The following PIK3C2G variants were observed in gnomAD, a reference collection of about 807,000 sequenced individuals.
PIK3C2G encodes phosphatidylinositol 3-kinase C2 domain-containing subunit gamma.
A neutral mutation model predicts 181.1 loss-of-function variants in PIK3C2G; 168 were observed. That is an observed-to-expected ratio of 0.93 (90% confidence interval 0.82 to 1.05). The LOEUF (loss-of-function observed/expected upper bound fraction) is 1.05. PIK3C2G is among the 50% of genes least tolerant of loss of function. PIK3C2G has a pLI of 0.00. For missense variants in PIK3C2G, 1,869 were observed against 1,732.8 expected (o/e 1.08, Z -1.40); for synonymous variants, 573 against 592.2 (o/e 0.97, Z 0.47).
chr12:18,361,380 T>C (rs981557040), intron 11 of PIK3C2G, among the ~76,000 whole-genome samples: 1 of 152,198 alleles, frequency 6.6e-6, no homozygotes, highest in Non-Finnish European at 1.5e-5. Flanking sequence ...TACAACTTTA[T>C]TTTCTTAGAC....
At chr12:18,489,902 T>C (rs1183939014) in intron 19 of PIK3C2G, among the ~76,000 whole-genome samples, 1 of 152,148 alleles carries the variant, frequency 6.6e-6, no homozygotes, top group African/African-American at 2.4e-5. Flanking sequence ...ATATTGACAT[T>C]ATTCACTCAG....
rs117368461 is a variant in PIK3C2G, at chr12:18,480,353, A to G, written c.2505-8096A>G. On this transcript the variant is annotated intron_variant, in intron 18 of 32. Coordinates refer to ENST00000538779, the MANE Select transcript of PIK3C2G (RefSeq NM_001288772.2). ...AAGCAGTAAGTGTGTTTTGTAATGT[A>G]AACAGGACAGTCCCTTCTCTTAAAC... Among the ~76,000 whole-genome samples, 787 of 152,304 alleles carry G rather than the reference A, an allele frequency of 5.2e-3. 3 individuals are homozygous for G. Among genetic ancestry groups the G allele is most frequent in the Middle Eastern group, 0.01 (3 of 294 alleles).
intron 18 of PIK3C2G, among the ~76,000 whole-genome samples, chr12:18,456,467 C>T (rs548620685): frequency 2.0e-5 from 3 of 152,182 alleles, no homozygotes; most frequent in African/African-American, 7.2e-5. Flanking sequence ...TATAGATGAG[C>T]TTGAGGAGGC....
downstream of PIK3C2G, among the ~76,000 whole-genome samples, chr12:18,650,664 ATGTG>A (rs1159499235): frequency 0.043 from 1,533 of 35,248 alleles, 28 homozygotes; most frequent in Non-Finnish European, 0.057. Flanking sequence ...TGGAATATAA[ATGTG>A]TGTGTGTGTG....
chr12:18,325,202 A>AGCGACC, intron 8 of PIK3C2G, 104 bp downstream of exon 8: 1 of 587,470 alleles, frequency 1.7e-6, no homozygotes, highest in Admixed American at 3.3e-5. Flanking sequence ...AAATGAATAA[A>AGCGACC]ACAGAGGATC....
chr12:18,560,033 T>C (rs146699480), intron 26 of PIK3C2G, among the ~76,000 whole-genome samples: 5,568 of 151,190 alleles, frequency 0.037, 218 homozygotes, highest in African/African-American at 0.098. Flanking sequence ...TTAGTAGAGA[T>C]GGGGTTTCAC....
At chr12:18,700,512 C>CAA in the PIK3C2G span, among the ~76,000 whole-genome samples, 3,796 of 67,680 alleles carry the variant, frequency 0.056, 512 homozygotes, top group African/African-American at 0.065. Context: ...AGCCAACGTA[C>CAA]AAAAAAAAAA....
intron 16 of PIK3C2G, among the ~76,000 whole-genome samples, chr12:18,410,700 A>T (rs992492537): frequency 1.3e-5 from 2 of 152,034 alleles, no homozygotes; most frequent in African/African-American, 4.8e-5. Flanking sequence ...GAGAGAGGGA[A>T]CATAAGGCAA....
chr12:18,439,225 C>A (rs1946604965), intron 18 of PIK3C2G, among the ~76,000 whole-genome samples: 1 of 151,910 alleles, frequency 6.6e-6, no homozygotes, highest in Non-Finnish European at 1.5e-5. Flanking sequence ...AGTGTCAGAA[C>A]AAGTTGGAAA....
chr12:18,308,339 A>G lies in PIK3C2G; in HGVS notation c.1035-5623A>G, dbSNP rs527743061. Among the ~76,000 whole-genome samples, 16 of 151,954 alleles carry G rather than the reference A, an allele frequency of 1.1e-4. No individual in the cohort carries two copies. In the East Asian group the frequency reaches 2.9e-3, roughly 28 times the overall value. On this transcript the variant is annotated intron_variant, in intron 5 of 32. Transcript: ENST00000538779. The stretch of plus-strand genomic sequence containing the variant: ...ACTAACAATAAGCCAGCATTCAAGG[A>G]CAATGTAAAAATAGACATTCTCAGA...
At chr12:18,410,524 A>AG (rs1307421622) in intron 16 of PIK3C2G, among the ~76,000 whole-genome samples, 2 of 151,420 alleles carry the variant, frequency 1.3e-5, no homozygotes, top group African/African-American at 4.9e-5. Context: ...AAAAAAAAAA[A>AG]AAAAGATTAT....
At chr12:18,535,635 A>G (rs1306820639) in intron 24 of PIK3C2G, among the ~76,000 whole-genome samples, 1 of 152,136 alleles carries the variant, frequency 6.6e-6, no homozygotes, top group African/African-American at 2.4e-5. Context: ...AGGAAGTTGT[A>G]AAAAATTAAT....
chr12:18,333,184 T>G (rs1938159571), intron 8 of PIK3C2G, among the ~76,000 whole-genome samples: 1 of 152,228 alleles, frequency 6.6e-6, no homozygotes, highest in African/African-American at 2.4e-5. Context: ...TTGGTCACTT[T>G]ATGACCTTAG....
intron 15 of PIK3C2G, among the ~76,000 whole-genome samples, chr12:18,392,167 A>G (rs1943578197): frequency 6.6e-6 from 1 of 152,142 alleles, no homozygotes; most frequent in East Asian, 1.9e-4. Context: ...TTTGGGAGAC[A>G]TATTTTGGCA....
chr12:18,634,390 G>A (rs1169732466), intron 31 of PIK3C2G, among the ~76,000 whole-genome samples: 1 of 152,190 alleles, frequency 6.6e-6, no homozygotes, highest in African/African-American at 2.4e-5. Context: ...CTCCTCACAT[G>A]GAATACTGTG....
chr12:18,313,804 T>TCACACA (rs5796752), intron 5 of PIK3C2G, among the ~76,000 whole-genome samples, 158 bp from the exon 6 acceptor site: 61 of 149,580 alleles, frequency 4.1e-4, no homozygotes, highest in Non-Finnish European at 6.4e-4. Context: ...GCATATATAT[T>TCACACA]CACACACACA....
intron 18 of PIK3C2G, among the ~76,000 whole-genome samples, chr12:18,486,693 T>A (rs984965890): frequency 6.6e-6 from 1 of 151,436 alleles, no homozygotes. Flanking sequence ...ATATTCAAAG[T>A]GTATGAAAGT....
intron 32 of PIK3C2G, among the ~76,000 whole-genome samples, chr12:18,647,400 T>C (rs929984578): frequency 6.6e-6 from 1 of 150,944 alleles, no homozygotes; most frequent in Non-Finnish European, 1.5e-5. Context: ...CACAGCATCA[T>C]GCAATATACC....
At chr12:18,569,623 T>C (rs1945821847) in intron 29 of PIK3C2G, among the ~76,000 whole-genome samples, 1 of 152,210 alleles carries the variant, frequency 6.6e-6, no homozygotes, top group African/African-American at 2.4e-5. Context: ...TATCCCCATG[T>C]TGTTCCTATA....
Sources: gnomAD v4.1 joint callset for allele counts (sites outside exome capture counted in the v4.1 genomes callset) on GRCh38, gnomAD v4.1.1 for gene constraint, MANE v1.5 for transcripts, NCBI Gene and HGNC (gene_info 2026-07-23, HGNC 2026-07-21) for gene names.